The following COL21A1 variants were observed in gnomAD, a reference collection of about 807,000 sequenced individuals.
COL21A1 encodes collagen alpha-1(XXI) chain.
Under a neutral mutation model 137.9 loss-of-function variants are expected in COL21A1, and 149 were observed. That is an observed-to-expected ratio of 1.08 (90% CI 0.95 to 1.24). COL21A1 has a LOEUF of 1.24. Among genes scored for constraint, COL21A1 ranks in the 50% most tolerant of loss-of-function variants. The probability of loss-of-function intolerance (pLI) is 0.00; values close to 1 mark genes in which losing one functional copy is unlikely to be tolerated. For synonymous variants in COL21A1, 456 were observed against 391.5 expected, an observed-to-expected ratio of 1.16 and a Z score of -1.95; for missense variants, 1,167 against 1,158.4, an observed-to-expected ratio of 1.01 and a Z score of -0.11.
In COL21A1 at chr6:56,125,502, T is replaced by C. The variant is rs1008927882; in HGVS notation, c.1650+65A>G. ...TAATGCTGGGTTAGAACTGCAATTC[T>C]AGTTTTCTGTTTCCATTACATTAAA... On this transcript the variant is annotated intron_variant, in intron 14 of 29. Transcript: ENST00000244728. 6.1e-6 allele frequency: 7 copies of C among 1,143,842 alleles called. No homozygotes were observed. The Admixed American group carries it at 7.9e-5, about 13-fold the overall frequency. The allele number at this position is 1,143,842 out of a possible 1,614,324, so 70.9% of individuals were successfully genotyped here. A position where few individuals can be genotyped will look rare whatever the true frequency, so the allele number is the denominator to read the frequency against.
rs191935452 is a variant in COL21A1, at chr6:56,338,844, T to C, written c.-39+55127A>G. On this transcript the variant is annotated intron_variant, in intron 1 of 28. Transcript: ENST00000370819. ...TTGAATGAGTCCCTGGATCTTCTTGTCTCCTGCTTATATAGACTTCTGGGG... is the reference window on the plus strand; with the variant it reads ...TTGAATGAGTCCCTGGATCTTCTTGCCTCCTGCTTATATAGACTTCTGGGG... 1.1e-4 allele frequency among the ~76,000 whole-genome samples: 16 copies of C among 152,280 alleles called. No homozygotes were observed. In the East Asian group the frequency reaches 3.1e-3, roughly 29 times the overall value.
intron 5 of COL21A1, among the ~76,000 whole-genome samples, chr6:56,169,738 A>G (rs1046718561): frequency 2.6e-5 from 4 of 151,964 alleles, no homozygotes; most frequent in Non-Finnish European, 4.4e-5. Context: ...ATTTTATGTT[A>G]GAACACATTT....
intron 17 of COL21A1, among the ~76,000 whole-genome samples, chr6:56,088,734 T>G (rs953161835): frequency 6.6e-6 from 1 of 152,146 alleles, no homozygotes; most frequent in Non-Finnish European, 1.5e-5. Context: ...ATGATGTTAT[T>G]CAGAGTTTAC....
At chr6:56,340,357 G>A (rs746374946) in intron 1 of COL21A1, among the ~76,000 whole-genome samples, 14 of 151,514 alleles carry the variant, frequency 9.2e-5, no homozygotes, top group Non-Finnish European at 2.1e-4. Flanking sequence ...GAGAAGTTGT[G>A]GTGGGGCAGG....
At chr6:56,385,448 G>A (rs996707072) in intron 1 of COL21A1, among the ~76,000 whole-genome samples, 2 of 152,046 alleles carry the variant, frequency 1.3e-5, no homozygotes, top group African/African-American at 4.8e-5. Context: ...TTAGCTCATG[G>A]CCCCTTCCAC....
At chr6:56,237,042 G>C (rs940421671) in intron 1 of COL21A1, among the ~76,000 whole-genome samples, 1 of 151,950 alleles carries the variant, frequency 6.6e-6, no homozygotes, top group African/African-American at 2.4e-5. Context: ...CTTTTGATGA[G>C]AGCAAAATGT....
Position 56,325,033 on chromosome 6 carries a change from T to C in COL21A1, c.-39+68938A>G, listed in dbSNP as rs116339312. On this transcript the variant is annotated intron_variant, in intron 1 of 28. Coordinates refer to the COL21A1 transcript ENST00000370819. ...AGTTTATTACCATTAGATCATACCC[T>C]TTTTGCGCTATCCTGTTTCTCCATG... Among the ~76,000 whole-genome samples, 561 of 150,988 alleles carry C rather than the reference T, an allele frequency of 3.7e-3. 3 individuals are homozygous for C. Among genetic ancestry groups the C allele is most frequent in the African/African-American group, 0.013 (533 of 41,194 alleles).
chr6:56,302,556 G>A (rs1469292342), intron 1 of COL21A1, among the ~76,000 whole-genome samples: 2 of 151,978 alleles, frequency 1.3e-5, no homozygotes, highest in Non-Finnish European at 1.5e-5. Context: ...CATATCCTTT[G>A]CCCACTTTTT....
intron 25 of COL21A1, 99 bp from the exon 26 acceptor site, chr6:56,061,136 T>C (rs1765766434): frequency 1.1e-6 from 1 of 926,176 alleles, no homozygotes; most frequent in South Asian, 2.1e-5. Context: ...CATGTATACA[T>C]ATGTAAATAT....
At chr6:56,190,481 A>G (rs777338496) in intron 1 of COL21A1, among the ~76,000 whole-genome samples, 9 of 152,220 alleles carry the variant, frequency 5.9e-5, no homozygotes, top group Non-Finnish European at 1.3e-4. Flanking sequence ...CCAGGACCAG[A>G]TGGATTTACA....
intron 1 of COL21A1, among the ~76,000 whole-genome samples, chr6:56,262,823 A>G (rs1925163): frequency 0.66 from 99,523 of 151,792 alleles, 33,496 homozygotes; most frequent in African/African-American, 0.78. Flanking sequence ...CTGTAGCAGC[A>G]TCAGCAGCCT....
chr6:56,332,727 T>A (rs6459153), intron 1 of COL21A1, among the ~76,000 whole-genome samples: 1 of 151,592 alleles, frequency 6.6e-6, no homozygotes, highest in South Asian at 2.1e-4. Context: ...ATAGAGAGTG[T>A]CATCTTTCTA....
intron 16 of COL21A1, among the ~76,000 whole-genome samples, chr6:56,113,094 A>C (rs1002292138): frequency 6.6e-6 from 1 of 152,190 alleles, no homozygotes; most frequent in Middle Eastern, 3.2e-3. Flanking sequence ...TTCAGTCTCC[A>C]AGTAAACTTG....
intron 12 of COL21A1, 132 bp downstream of exon 12, chr6:56,141,653 C>G (rs1452755230): frequency 1.5e-5 from 13 of 856,450 alleles, no homozygotes; most frequent in East Asian, 7.5e-5. Flanking sequence ...GTCTAATAGC[C>G]ACTGACAAAT....
chr6:56,344,094 C>T (rs1292495597), intron 1 of COL21A1, among the ~76,000 whole-genome samples: 2 of 152,104 alleles, frequency 1.3e-5, no homozygotes, highest in African/African-American at 4.8e-5. Context: ...ATTTTTGTGG[C>T]TAATGTTACT....
At chr6:56,220,245 T>C (rs1780747829) in intron 1 of COL21A1, among the ~76,000 whole-genome samples, 1 of 152,124 alleles carries the variant, frequency 6.6e-6, no homozygotes, top group Non-Finnish European at 1.5e-5. Context: ...CAGCCAGGAC[T>C]TGTAACAGGC....
At chr6:56,229,559 G>A (rs76705116) in intron 1 of COL21A1, among the ~76,000 whole-genome samples, 1,812 of 151,882 alleles carry the variant, frequency 0.012, 35 homozygotes, top group African/African-American at 0.041. Flanking sequence ...AAAAATTGTT[G>A]TGCCTTATAA....
intron 16 of COL21A1, among the ~76,000 whole-genome samples, chr6:56,122,069 A>G (rs1772592721): frequency 6.6e-6 from 1 of 152,226 alleles, no homozygotes; most frequent in South Asian, 2.1e-4. Context: ...TACTATTAGC[A>G]TTAAAAAGGA....
rs760209198 is a variant in COL21A1, at chr6:56,074,332, T to A, written c.1912-47A>T. On this transcript the variant is annotated intron_variant, in intron 19 of 29. Coordinates refer to ENST00000244728, the MANE Select transcript of COL21A1 (RefSeq NM_030820.4). ...TCAAGAGTAACTTAGAGAAGATTAT[T>A]AAAAAATATTAAATCAATTTCCAAG... is the stretch of plus-strand genomic sequence containing the variant. 5 of 1,235,772 alleles carry A rather than the reference T, an allele frequency of 4.0e-6. No homozygotes were observed. In the East Asian group the frequency reaches 1.2e-4, roughly 30 times the overall value. 76.6% of individuals were successfully genotyped at this position (1,235,772 alleles called of 1,614,324 possible).
Sources: gnomAD v4.1 joint callset for allele counts (sites outside exome capture counted in the v4.1 genomes callset) on GRCh38, gnomAD v4.1.1 for gene constraint, MANE v1.5 for transcripts, NCBI Gene and HGNC (gene_info 2026-07-23, HGNC 2026-07-21) for gene names.